IPO5: variants seen among roughly 807,000 people sequenced by gnomAD.
IPO5 encodes importin-5.
IPO5 carries 18 observed loss-of-function variants against 143.3 expected under a neutral mutation model. That is an observed-to-expected ratio of 0.13 (90% confidence interval 0.09 to 0.19). The LOEUF is 0.19. Among genes scored for constraint, IPO5 ranks in the 10% least tolerant of loss-of-function variants. IPO5 has a pLI of 1.00. For synonymous variants in IPO5, 477 were observed against 465.7 expected (o/e 1.02, Z -0.31); for missense variants, 1,013 against 1,336.9 (o/e 0.76, Z 3.78).
intron 16 of IPO5, among the ~76,000 whole-genome samples, chr13:98,005,344 G>T (rs1889140310): frequency 6.6e-6 from 1 of 150,704 alleles, no homozygotes; most frequent in Non-Finnish European, 1.5e-5. Flanking sequence ...TTACAGGGGT[G>T]TGCCACCACA....
At chr13:97,988,942 C>T (rs888118662) in intron 6 of IPO5, 120 bp from the exon 7 acceptor site, 2 of 515,636 alleles carry the variant, frequency 3.9e-6, no homozygotes, top group Non-Finnish European at 7.0e-6. Context: ...TTAAAAATAG[C>T]AAAAGTGACA....
intron 3 of IPO5, among the ~76,000 whole-genome samples, chr13:97,975,259 G>T (rs193190055): frequency 1.4e-5 from 2 of 143,966 alleles, no homozygotes; most frequent in African/African-American, 5.1e-5. Flanking sequence ...GGGCGGGGGG[G>T]GCTGGTATCG....
intron 2 of IPO5, among the ~76,000 whole-genome samples, chr13:97,965,139 A>G (rs1466670704): frequency 2.0e-5 from 3 of 152,144 alleles, no homozygotes; most frequent in Non-Finnish European, 4.4e-5. Context: ...GAGTTGGACA[A>G]TGAGAACACA....
intron 2 of IPO5, among the ~76,000 whole-genome samples, chr13:97,968,409 T>C (rs191553328): frequency 2.0e-5 from 3 of 152,350 alleles, no homozygotes; most frequent in Admixed American, 6.5e-5. Context: ...TGGTTTATCT[T>C]ATTCTTTGTC....
intron 16 of IPO5, among the ~76,000 whole-genome samples, chr13:98,005,280 C>A (rs998202398): frequency 6.6e-6 from 1 of 151,942 alleles, no homozygotes; most frequent in African/African-American, 2.4e-5. Context: ...TCACTGCAAC[C>A]TCTGCCTCCC....
chr13:98,013,160 ATTC>A (rs1423703378), intron 21 of IPO5, among the ~76,000 whole-genome samples: 1 of 152,112 alleles, frequency 6.6e-6, no homozygotes, highest in Non-Finnish European at 1.5e-5. Context: ...AGTTCAAGCG[ATTC>A]TTCTGCCTCA....
At chr13:97,973,106 G>A (rs1885968414) in intron 3 of IPO5, among the ~76,000 whole-genome samples, 1 of 129,698 alleles carries the variant, frequency 7.7e-6, no homozygotes, top group African/African-American at 2.9e-5. Context: ...GCAGTGGCAT[G>A]ATACTGGCTC....
chr13:97,981,272 G>T (rs1013615642), intron 4 of IPO5: 1 of 456,092 alleles, frequency 2.2e-6, no homozygotes, highest in Non-Finnish European at 4.4e-6. Context: ...TGAAACCTGT[G>T]TAGCACTGCA....
chr13:98,018,499 A>G lies in IPO5; in HGVS notation c.2631A>G (p.Pro877=), dbSNP rs1427047601. Residue 877 remains proline (P), a synonymous_variant, in exon 26 of 29, where the codon CCA becomes CCG. Transcript: ENST00000651721. ...TTCTTTTGTAGTGTCCACATAGACC[A>G]TGGCCAGACAGACAATGGGGATTAT... The part of the protein sequence containing the change: ...LIVNLICPHR[P]WPDRQWGLCI... The G allele has an allele frequency of 1.2e-6, 2 of 1,613,680 alleles. No homozygotes were observed. The highest frequency in any genetic ancestry group is 1.7e-6 in the Non-Finnish European group (2 of 1,179,580).
At chr13:97,990,350 A>G (rs1887706080) in intron 8 of IPO5, 83 bp from the exon 9 acceptor site, 18 of 1,211,664 alleles carry the variant, frequency 1.5e-5, no homozygotes, top group Middle Eastern at 1.9e-4. Flanking sequence ...CTGATAAAGA[A>G]TAATTTGATC....
At chr13:97,959,680 GC>G (rs1381516014) in intron 2 of IPO5, among the ~76,000 whole-genome samples, 3 of 151,752 alleles carry the variant, frequency 2.0e-5, no homozygotes, top group African/African-American at 7.3e-5. Flanking sequence ...GTTGCAGTGA[GC>G]CTAGATAGCG....
At chr13:97,959,861 T>C (rs997504892) in intron 2 of IPO5, among the ~76,000 whole-genome samples, 1 of 152,196 alleles carries the variant, frequency 6.6e-6, no homozygotes, top group African/African-American at 2.4e-5. Flanking sequence ...GTTTATTATC[T>C]GAATTCTTTC....
intron 11 of IPO5, among the ~76,000 whole-genome samples, chr13:97,994,160 T>C (rs1315572294): frequency 6.6e-6 from 1 of 152,000 alleles, no homozygotes; most frequent in Non-Finnish European, 1.5e-5. Flanking sequence ...TACAAAAAAT[T>C]AGCCAGATGT....
chr13:98,021,264 C>T (rs1224616704), intron 28 of IPO5, 131 bp downstream of exon 28: 3 of 756,142 alleles, frequency 4.0e-6, no homozygotes, highest in African/African-American at 3.6e-5. Flanking sequence ...CTCTTGTCTC[C>T]AAGCCTCAAA....
Position 98,021,865 on chromosome 13 carries a change from C to T in IPO5, c.*43C>T, listed in dbSNP as rs371569334. 4.5e-5 allele frequency: 60 copies of T among 1,327,786 alleles called. 1 individual carries two copies. The highest frequency in any genetic ancestry group is 4.4e-4 in the African/African-American group (30 of 68,958). 82.3% of individuals were successfully genotyped at this position (1,327,786 alleles called of 1,614,324 possible). On this transcript the variant is annotated 3_prime_UTR_variant, in exon 29 of 29. Coordinates refer to ENST00000651721, the MANE Select transcript of IPO5 (RefSeq NM_002271.6). The stretch of plus-strand genomic sequence containing the variant: ...CACCAGAAAACTAACTCCAAATAAA[C>T]GCTTACCCTTTCCTTTAGGTTTCTT...
intron 18 of IPO5, 53 bp downstream of exon 18, chr13:98,008,195 C>T (rs1889424648): frequency 9.5e-7 from 1 of 1,047,124 alleles, no homozygotes; most frequent in African/African-American, 1.6e-5. Context: ...GTGGACAGCA[C>T]ATGGTTCAAT....
At position 98,018,575 on chromosome 13, in the gene IPO5, G is replaced by C; in HGVS notation, c.2707G>C (p.Ala903Pro). Reference sequence around the variant, plus strand: ...CTGTAGTCCAGCCTCATTTAAATACGCAGAATATTTCTTAAGACCAATGCT... The same window carrying C: ...CTGTAGTCCAGCCTCATTTAAATACCCAGAATATTTCTTAAGACCAATGCT... ...EHCSPASFKY[A>P]EYFLRPMLQY... Residue 903 changes from alanine to proline, a missense_variant, in exon 26 of 29, where the codon GCA (alanine) becomes CCA (proline). Physicochemically the swap from Ala to Pro is conservative, Grantham distance 27. Coordinates refer to ENST00000651721, the MANE Select transcript of IPO5 (RefSeq NM_002271.6). The C allele has an allele frequency of 6.2e-7, 1 of 1,613,972 alleles. No homozygotes were observed. The highest frequency in any genetic ancestry group is 8.5e-7 in the Non-Finnish European group (1 of 1,179,880).
intron 4 of IPO5, among the ~76,000 whole-genome samples, chr13:97,980,320 A>G (rs1005090582): frequency 6.6e-6 from 1 of 152,102 alleles, no homozygotes; most frequent in Non-Finnish European, 1.5e-5. Flanking sequence ...CATGGAGAGA[A>G]CCCTCTCTCA....
chr13:97,998,747 T>C (rs1356402039), intron 12 of IPO5, among the ~76,000 whole-genome samples: 1 of 152,146 alleles, frequency 6.6e-6, no homozygotes, highest in Non-Finnish European at 1.5e-5. Context: ...AGATTGAAGA[T>C]TGAGTGATTT....
Sources: allele counts gnomAD v4.1 joint callset (sites outside exome capture counted in the v4.1 genomes callset), GRCh38; gene constraint gnomAD v4.1.1; transcripts MANE v1.5; gene names NCBI Gene and HGNC (gene_info 2026-07-23, HGNC 2026-07-21).